The following RUFY2 variants were observed in gnomAD, a reference collection of about 807,000 sequenced individuals.
RUFY2 encodes RUN and FYVE domain containing 2, also known as RUN and FYVE domain-containing protein 2.
Under a neutral mutation model 94.4 loss-of-function variants are expected in RUFY2, and 49 were observed. The observed-to-expected ratio is 0.52, with a 90% CI of 0.41 to 0.66. The LOEUF (loss-of-function observed/expected upper bound fraction) is 0.66, where lower values mean the gene tolerates loss of function less well. Among genes scored for constraint, RUFY2 ranks in the 30% least tolerant of loss-of-function variants. The probability of loss-of-function intolerance (pLI) is 0.00; values close to 1 mark genes in which losing one functional copy is unlikely to be tolerated. For synonymous variants in RUFY2, 255 were observed against 235.7 expected (o/e 1.08, Z -0.75); for missense variants, 541 against 692.8 (o/e 0.78, Z 2.46).
rs534515297 is a variant in RUFY2, at chr10:68,345,663, TACTG to T, written c.*101_*104del. ...ATGTAGAAGATAAACTGGTACCAAA[TACTG>T]ACCGAAAGCCGCTTAAGGAGAGCTG... On this transcript the variant is annotated 3_prime_UTR_variant, in exon 18 of 18. Coordinates refer to ENST00000602465, the MANE Select transcript of RUFY2 (RefSeq NM_001330103.2). The T allele has an allele frequency of 7.3e-6, 7 of 953,698 alleles. No individual in the cohort carries two copies. Among genetic ancestry groups the T allele is most frequent in the Non-Finnish European group, 8.0e-6 (5 of 627,958 alleles). 59.1% of individuals were successfully genotyped at this position (953,698 alleles called of 1,614,324 possible). A position where few individuals can be genotyped will look rare whatever the true frequency, so the allele number is the denominator to read the frequency against.
chr10:68,342,297 A>G, downstream of RUFY2: 2 of 407,710 alleles, frequency 4.9e-6, no homozygotes, highest in South Asian at 7.7e-5. Context: ...CTTTTTATAT[A>G]CTAGTTACTC....
chr10:68,392,315 C>G (rs1020457884), intron 7 of RUFY2, among the ~76,000 whole-genome samples: 1 of 152,120 alleles, frequency 6.6e-6, no homozygotes. Flanking sequence ...CAGGCATGAG[C>G]CACTGCGCCT....
intron 7 of RUFY2, among the ~76,000 whole-genome samples, chr10:68,386,546 C>T (rs549706312): frequency 3.5e-4 from 53 of 152,256 alleles, no homozygotes; most frequent in African/African-American, 1.2e-3. Context: ...GACGGGGTTA[C>T]ACCATGTTGG....
intron 13 of RUFY2, among the ~76,000 whole-genome samples, chr10:68,369,522 G>A (rs745731414): frequency 2.0e-5 from 3 of 151,414 alleles, no homozygotes; most frequent in Non-Finnish European, 4.4e-5. Context: ...AAAAAAACCA[G>A]GCGAGGCCTT....
In RUFY2 at chr10:68,394,080, T is replaced by G. The variant is rs2050201339; in HGVS notation, c.579A>C (p.Lys193Asn). Residue 193 changes from lysine to asparagine, a missense_variant, in exon 6 of 18, where the codon AAA (lysine) becomes AAC (asparagine). By Grantham distance (94) the Lys-to-Asn change is moderately conservative (BLOSUM62 0). Transcript: ENST00000602465. Reference protein sequence around the residue: ...YLKNEEDIGNKERNVQIAAIL... With the variant: ...YLKNEEDIGNNERNVQIAAIL... Reference sequence around the variant, plus strand: ...ATAACTTATGAAAATCATACCTTTCTTTATTTCCAATATCTTCTTCATTCT... The same window carrying G: ...ATAACTTATGAAAATCATACCTTTCGTTATTTCCAATATCTTCTTCATTCT... 1 of 1,506,940 alleles carries G rather than the reference T, an allele frequency of 6.6e-7. No individual in the cohort carries two copies. Among genetic ancestry groups the G allele is most frequent in the African/African-American group, 1.4e-5 (1 of 71,326 alleles). 93.3% of individuals were successfully genotyped at this position (1,506,940 alleles called of 1,614,324 possible).
chr10:68,374,160 G>A (rs2048464161), intron 13 of RUFY2, among the ~76,000 whole-genome samples: 1 of 148,376 alleles, frequency 6.7e-6, no homozygotes, highest in Non-Finnish European at 1.5e-5. Context: ...TTCAAGCCAG[G>A]GATGGTGGCT....
chr10:68,391,993 C>CA (rs1474562170), intron 7 of RUFY2, among the ~76,000 whole-genome samples: 2 of 151,080 alleles, frequency 1.3e-5, no homozygotes, highest in South Asian at 4.2e-4. Flanking sequence ...AACAAACAAA[C>CA]AAAAAAACTA....
chr10:68,389,536 G>A (rs2049817935), intron 7 of RUFY2, among the ~76,000 whole-genome samples: 2 of 150,852 alleles, frequency 1.3e-5, no homozygotes, highest in African/African-American at 4.9e-5. Flanking sequence ...GTTGCAGTGA[G>A]CCGAGATCAC....
chr10:68,376,580 G>C (rs2048696110), intron 13 of RUFY2, among the ~76,000 whole-genome samples: 1 of 146,670 alleles, frequency 6.8e-6, no homozygotes, highest in African/African-American at 2.5e-5. Flanking sequence ...ATGACCATCA[G>C]ATTAATGTTA....
chr10:68,376,792 T>G (rs577860555), intron 13 of RUFY2, 61 bp downstream of exon 13: 7 of 1,472,822 alleles, frequency 4.8e-6, no homozygotes, highest in Middle Eastern at 3.5e-4. Context: ...TATCATTATG[T>G]GCAAAAAAAT....
At chr10:68,380,628 G>A (rs1296287819) in intron 11 of RUFY2, among the ~76,000 whole-genome samples, 5 of 151,998 alleles carry the variant, frequency 3.3e-5, no homozygotes, top group African/African-American at 7.2e-5. Flanking sequence ...TTGGGAGGCC[G>A]AGGTGGGCGG....
At chr10:68,405,110 T>A (rs1401000232) in intron 1 of RUFY2, among the ~76,000 whole-genome samples, 1 of 151,942 alleles carries the variant, frequency 6.6e-6, no homozygotes, top group Admixed American at 6.6e-5. Flanking sequence ...GTCAAGAGAT[T>A]GAGACCATCC....
In RUFY2 at chr10:68,394,241, T is replaced by C. The variant is rs1295672782; in HGVS notation, c.522+87A>G. ...ATATTCCTTTAGTGTTTAACAGTCC[T>C]GTTTACAACTTCAAATGACACCTGA... On this transcript the variant is annotated intron_variant, in intron 5 of 17. Coordinates refer to ENST00000602465, the MANE Select transcript of RUFY2 (RefSeq NM_001330103.2). 6 of 1,597,812 alleles carry C rather than the reference T, an allele frequency of 3.8e-6. No homozygotes were observed. The Admixed American group carries it at 8.5e-5, about 23-fold the overall frequency.
downstream of RUFY2, chr10:68,341,909 G>A (rs997831319): frequency 6.3e-7 from 1 of 1,590,566 alleles, no homozygotes; most frequent in African/African-American, 1.3e-5. Flanking sequence ...ACTTTAAAGT[G>A]CAGGTATTAC....
chr10:68,361,903 G>T (rs2047483573), intron 15 of RUFY2, among the ~76,000 whole-genome samples: 2 of 152,210 alleles, frequency 1.3e-5, no homozygotes, highest in South Asian at 2.1e-4. Context: ...GAGAAGGGAA[G>T]TACTTGCTTT....
chr10:68,387,549 C>CA (rs2049600259), intron 7 of RUFY2, among the ~76,000 whole-genome samples: 1 of 152,116 alleles, frequency 6.6e-6, no homozygotes. Flanking sequence ...TTTTTCCATT[C>CA]ATATTAAATC....
intron 10 of RUFY2, among the ~76,000 whole-genome samples, chr10:68,382,579 T>C (rs923597971): frequency 2.6e-5 from 4 of 151,092 alleles, no homozygotes; most frequent in Non-Finnish European, 5.9e-5. Context: ...CCGGGCGTGG[T>C]GGCGGGCGCC....
chr10:68,393,756 G>A (rs958809387), intron 6 of RUFY2: 2 of 306,418 alleles, frequency 6.5e-6, no homozygotes, highest in African/African-American at 4.7e-5. Flanking sequence ...GTTCGATCTT[G>A]AAGTAAACCA....
In RUFY2 at chr10:68,343,938, A is replaced by AACTT. The variant is rs1223081925; in HGVS notation, c.*1826_*1829dup. The AACTT allele has an allele frequency of 1.3e-5, 2 of 152,154 alleles. No homozygotes were observed. Among genetic ancestry groups the AACTT allele is most frequent in the African/African-American group, 4.8e-5 (2 of 41,460 alleles). The allele number at this position is 152,154 out of a possible 1,614,324, so 9.4% of individuals were successfully genotyped here. A position where few individuals can be genotyped will look rare whatever the true frequency, so the allele number is the denominator to read the frequency against. On this transcript the variant is annotated 3_prime_UTR_variant, in exon 18 of 18. Transcript: ENST00000602465. ...ATGAAATTAGCCTTGGAATTTAAGCAACTTAAGTCACATTTTAAAATTTGT... is the reference window on the plus strand; with the variant it reads ...ATGAAATTAGCCTTGGAATTTAAGCAACTTACTTAAGTCACATTTTAAAATTTGT...
Sources: allele counts gnomAD v4.1 joint callset (sites outside exome capture counted in the v4.1 genomes callset), GRCh38; gene constraint gnomAD v4.1.1; transcripts MANE v1.5; gene names NCBI Gene and HGNC (gene_info 2026-07-23, HGNC 2026-07-21).